ROBO2: variants seen among roughly 807,000 people sequenced by gnomAD.
ROBO2 encodes the protein roundabout guidance receptor 2.
Under a neutral mutation model 160.8 loss-of-function variants are expected in ROBO2, and 53 were observed. That is an observed-to-expected ratio of 0.33 (90% CI 0.26 to 0.41). The LOEUF is 0.41. Ranked by LOEUF, ROBO2 falls within the 10% of genes least tolerant of loss-of-function variation. The pLI is 1.00. For synonymous variants in ROBO2, 664 were observed against 611.7 expected, an observed-to-expected ratio of 1.09 and a Z score of -1.26; for missense variants, 1,577 against 1,722.4, an observed-to-expected ratio of 0.92 and a Z score of 1.49.
At chr3:76,860,044 G>A (rs2070581341) in intron 2 of ROBO2, among the ~76,000 whole-genome samples, 1 of 152,248 alleles carries the variant, frequency 6.6e-6, no homozygotes, top group Non-Finnish European at 1.5e-5. Context: ...CATTATTTGT[G>A]TTATAAAATG....
intron 2 of ROBO2, among the ~76,000 whole-genome samples, chr3:76,507,935 C>T (rs1031618831): frequency 3.9e-5 from 6 of 152,118 alleles, no homozygotes; most frequent in Non-Finnish European, 7.4e-5. Flanking sequence ...ACACAGCACT[C>T]CAGGAGGAAT....
chr3:76,411,991 G>C (rs1000709012), intron 2 of ROBO2, among the ~76,000 whole-genome samples: 2 of 152,090 alleles, frequency 1.3e-5, no homozygotes, highest in Non-Finnish European at 2.9e-5. Flanking sequence ...TGCTGATGAA[G>C]ACATACCTGA....
chr3:76,938,662 A>T (rs7628392), intron 2 of ROBO2, among the ~76,000 whole-genome samples: 73,339 of 151,708 alleles, frequency 0.48, 18,572 homozygotes, highest in African/African-American at 0.65. Context: ...CAATCAGTGG[A>T]CATCTCTGCA....
At chr3:75,939,074 A>G (rs963636829) in intron 2 of ROBO2, among the ~76,000 whole-genome samples, 6 of 152,154 alleles carry the variant, frequency 3.9e-5, no homozygotes, top group Non-Finnish European at 1.5e-5. Context: ...TTTCTCTGTA[A>G]TAGTGATCCA....
intron 2 of ROBO2, among the ~76,000 whole-genome samples, chr3:77,273,806 G>A (rs2059652419): frequency 6.6e-6 from 1 of 152,174 alleles, no homozygotes; most frequent in African/African-American, 2.4e-5. Context: ...TAACTGCAAA[G>A]ACCAGAGGGA....
intron 2 of ROBO2, among the ~76,000 whole-genome samples, chr3:77,381,908 G>A (rs539146306): frequency 5.9e-5 from 9 of 152,144 alleles, no homozygotes; most frequent in Non-Finnish European, 1.0e-4. Context: ...GAGGGGCTAT[G>A]TGAAACTTGA....
intron 2 of ROBO2, among the ~76,000 whole-genome samples, chr3:77,287,953 T>C (rs1477472747): frequency 6.6e-6 from 1 of 152,176 alleles, no homozygotes; most frequent in Non-Finnish European, 1.5e-5. Context: ...ATGTATAAAA[T>C]TGGCAGTTGG....
Position 76,650,798 on chromosome 3 carries a change from G to A in ROBO2, c.110-447216G>A, listed in dbSNP as rs181835152. Among the ~76,000 whole-genome samples, 22 of 152,214 alleles carry A rather than the reference G, an allele frequency of 1.4e-4. 1 individual carries two copies. In the East Asian group the frequency reaches 3.1e-3, roughly 21 times the overall value. On this transcript the variant is annotated intron_variant, in intron 2 of 26. Coordinates refer to the ROBO2 transcript ENST00000487694. ...AGCTCTAAAGATGCTCAGATATCAC[G>A]TAGGAAATAGCATAGCAGGAGTACT...
chr3:75,907,852 CGTGT>C (rs56058203), intron 1 of ROBO2, among the ~76,000 whole-genome samples: 35 of 148,676 alleles, frequency 2.4e-4, no homozygotes, highest in East Asian at 8.1e-4. Flanking sequence ...TAATCGTGTG[CGTGT>C]GTGTGTGTGT....
At chr3:77,495,839 G>A (rs988937110) in intron 5 of ROBO2, among the ~76,000 whole-genome samples, 1 of 152,156 alleles carries the variant, frequency 6.6e-6, no homozygotes, top group Non-Finnish European at 1.5e-5. Context: ...TTGTAAGTGT[G>A]CATTGCATTT....
intron 2 of ROBO2, among the ~76,000 whole-genome samples, chr3:77,272,714 T>G (rs2059580590): frequency 6.6e-6 from 1 of 152,168 alleles, no homozygotes; most frequent in Non-Finnish European, 1.5e-5. Flanking sequence ...GCCTGTATCT[T>G]TATCATAGTG....
chr3:75,948,145 A>G (rs773305695), intron 2 of ROBO2, among the ~76,000 whole-genome samples: 5 of 152,086 alleles, frequency 3.3e-5, no homozygotes, highest in Admixed American at 6.6e-5. Context: ...CTTAAGCATT[A>G]ATGGGAATAA....
rs537056371 is a variant in ROBO2 at position 76,918,961 on chromosome 3, A to G, written c.110-179053A>G. Among the ~76,000 whole-genome samples, 81 of 116,536 alleles carry G rather than the reference A, an allele frequency of 7.0e-4. 1 individual carries two copies. Among genetic ancestry groups the G allele is most frequent in the Non-Finnish European group, 1.1e-3 (65 of 58,896 alleles). 76.5% of individuals were successfully genotyped at this position (116,536 alleles called of 152,430 possible). ...TCATATGCTTGTGTTGGCCACATGT[A>G]TGTCTTTTTTTTTTTTAGAAGTGTC... On this transcript the variant is annotated intron_variant, in intron 2 of 26. Transcript: ENST00000487694.
rs1044636055 is a variant in ROBO2, at chr3:76,094,454, G to T, written c.109+156852G>T. Among the ~76,000 whole-genome samples the T allele has an allele frequency of 4.6e-5, 7 of 152,216 alleles. No individual in the cohort carries two copies. In the South Asian group the frequency reaches 1.2e-3, roughly 27 times the overall value. ...ACAGTCAATAACGAAATACAGCTGG[G>T]CTTAGAAGAGTTGTGGGAGAAGGAT... is the stretch of plus-strand genomic sequence containing the variant. On this transcript the variant is annotated intron_variant, in intron 2 of 26. Transcript: ENST00000487694.
chr3:76,396,906 A>T (rs1237818524), intron 2 of ROBO2, among the ~76,000 whole-genome samples: 1 of 152,170 alleles, frequency 6.6e-6, no homozygotes, highest in Non-Finnish European at 1.5e-5. Context: ...GCCCAAGGTA[A>T]TTTATAGGTT....
chr3:76,642,445 C>T (rs545130616), intron 2 of ROBO2, among the ~76,000 whole-genome samples: 3 of 147,590 alleles, frequency 2.0e-5, no homozygotes, highest in African/African-American at 7.7e-5. Flanking sequence ...TTCTGCCTCC[C>T]GGGTTCAAGC....
intron 2 of ROBO2, among the ~76,000 whole-genome samples, chr3:76,115,748 T>A (rs2070441069): frequency 6.6e-6 from 1 of 152,098 alleles, no homozygotes; most frequent in Non-Finnish European, 1.5e-5. Context: ...GCAAAATGAA[T>A]TTCAACATTT....
chr3:76,032,614 T>A (rs1374464661), intron 2 of ROBO2, among the ~76,000 whole-genome samples: 6 of 152,256 alleles, frequency 3.9e-5, no homozygotes, highest in African/African-American at 1.2e-4. Context: ...TTTGTTATTT[T>A]TCCAGTAGTC....
intron 2 of ROBO2, among the ~76,000 whole-genome samples, chr3:77,123,669 G>A (rs2075001377): frequency 6.7e-6 from 1 of 150,148 alleles, no homozygotes; most frequent in African/African-American, 2.4e-5. Context: ...CGTAGGTAAG[G>A]GTAGAGGACA....
Sources: gnomAD v4.1 joint callset for allele counts (sites outside exome capture counted in the v4.1 genomes callset) on GRCh38, gnomAD v4.1.1 for gene constraint, MANE v1.5 for transcripts, NCBI Gene and HGNC (gene_info 2026-07-23, HGNC 2026-07-21) for gene names.